ASAP1: variants seen among roughly 807,000 people sequenced by gnomAD.
ASAP1 encodes the protein arf-GAP with SH3 domain, ANK repeat and PH domain-containing protein 1.
Under a neutral mutation model 145.2 loss-of-function variants are expected in ASAP1, and 43 were observed. That is an observed-to-expected ratio of 0.30 (90% confidence interval 0.23 to 0.38). ASAP1 has a LOEUF of 0.38. Among genes scored for constraint, ASAP1 ranks in the 10% least tolerant of loss-of-function variants. ASAP1 has a pLI of 1.00. For synonymous variants in ASAP1, 546 were observed against 515.5 expected (o/e 1.06, Z -0.80); for missense variants, 1,018 against 1,355.3 (o/e 0.75, Z 3.91).
chr8:130,243,063 A>G (rs1013241098), intron 3 of ASAP1, among the ~76,000 whole-genome samples: 3 of 152,138 alleles, frequency 2.0e-5, no homozygotes, highest in African/African-American at 7.2e-5. Context: ...GCACCAGCCA[A>G]AGTGTGAAAA....
rs79162713 is a variant in ASAP1 at position 130,290,804 on chromosome 8, C to T, written c.187-53810G>A. Among the ~76,000 whole-genome samples the T allele has an allele frequency of 2.6e-3, 403 of 152,326 alleles. 2 individuals carry two copies. The highest frequency in any genetic ancestry group is 4.9e-3 in the Non-Finnish European group (331 of 68,026). ...CTCCTTCCTCTCCTCATGCCTGGTA[C>T]TACAGGATCAATTTTAGTACCGTAT... On this transcript the variant is annotated intron_variant, in intron 3 of 29. Transcript: ENST00000518721.
chr8:130,391,831 C>G (rs1828299919), intron 2 of ASAP1, among the ~76,000 whole-genome samples: 1 of 152,234 alleles, frequency 6.6e-6, no homozygotes, highest in East Asian at 1.9e-4. Flanking sequence ...AGAGGGACCC[C>G]CTCCTGGGTT....
chr8:130,112,414 T>G, intron 23 of ASAP1, 92 bp from the exon 24 acceptor site: 1 of 1,022,212 alleles, frequency 9.8e-7, no homozygotes, highest in Middle Eastern at 2.5e-4. Flanking sequence ...GGTGGGAATC[T>G]GGGTTCCTGT....
intron 25 of ASAP1, among the ~76,000 whole-genome samples, chr8:130,086,959 G>T (rs954813949): frequency 6.6e-6 from 1 of 152,140 alleles, no homozygotes; most frequent in African/African-American, 2.4e-5. Context: ...CTCAACATCA[G>T]CTGCCTTGCT....
At chr8:130,306,212 T>C (rs1419401097) in intron 3 of ASAP1, among the ~76,000 whole-genome samples, 1 of 152,214 alleles carries the variant, frequency 6.6e-6, no homozygotes, top group African/African-American at 2.4e-5. Flanking sequence ...AGAAACACCT[T>C]GATACTGCAG....
intron 3 of ASAP1, among the ~76,000 whole-genome samples, chr8:130,346,381 A>G (rs1481760266): frequency 6.6e-6 from 1 of 152,220 alleles, no homozygotes; most frequent in African/African-American, 2.4e-5. Flanking sequence ...TCTAACCTAC[A>G]TATCTCATGT....
Position 130,322,844 on chromosome 8 carries a change from G to A in ASAP1, c.186+35173C>T, listed in dbSNP as rs991607911. Among the ~76,000 whole-genome samples, 12 of 152,168 alleles carry A rather than the reference G, an allele frequency of 7.9e-5. No individual in the cohort carries two copies. The East Asian group carries it at 2.3e-3, about 29-fold the overall frequency. Reference sequence around the variant, plus strand: ...AGAGAGATATACAAAGACCTGCAATGGAGAGCAGTGGGAAAAGATCATTTC... The same window carrying A: ...AGAGAGATATACAAAGACCTGCAATAGAGAGCAGTGGGAAAAGATCATTTC... On this transcript the variant is annotated intron_variant, in intron 3 of 29. Transcript: ENST00000518721.
At chr8:130,131,643 A>AGCTGGGC (rs2097583294) in intron 15 of ASAP1, among the ~76,000 whole-genome samples, 1 of 148,192 alleles carries the variant, frequency 6.7e-6, no homozygotes, top group Non-Finnish European at 1.5e-5. Flanking sequence ...AATGAAAATT[A>AGCTGGGC]GCTGGGCGTG....
intron 1 of ASAP1, among the ~76,000 whole-genome samples, chr8:130,433,416 T>G (rs1830204972): frequency 6.6e-6 from 1 of 152,204 alleles, no homozygotes; most frequent in Non-Finnish European, 1.5e-5. Context: ...CAGACACCTC[T>G]TTCACAAAGC....
intron 3 of ASAP1, among the ~76,000 whole-genome samples, chr8:130,315,997 C>T (rs1823642703): frequency 6.6e-6 from 1 of 152,040 alleles, no homozygotes. Flanking sequence ...CCTTCGGGTC[C>T]CTTCTCTGCA....
At chr8:130,310,940 C>T (rs1368691716) in intron 3 of ASAP1, among the ~76,000 whole-genome samples, 2 of 152,200 alleles carry the variant, frequency 1.3e-5, no homozygotes, top group African/African-American at 4.8e-5. Context: ...TCAAGACCAA[C>T]CTGGGCCAGT....
At chr8:130,260,237 G>T (rs956124638) in intron 3 of ASAP1, among the ~76,000 whole-genome samples, 1 of 152,014 alleles carries the variant, frequency 6.6e-6, no homozygotes, top group Non-Finnish European at 1.5e-5. Context: ...TTCACAACAG[G>T]GGTGTATTCT....
chr8:130,381,608 G>A lies in ASAP1; in HGVS notation c.59+20277C>T, dbSNP rs765424315. Among the ~76,000 whole-genome samples the A allele has an allele frequency of 1.1e-3, 166 of 152,214 alleles. 5 individuals carry two copies. Among genetic ancestry groups the A allele is most frequent in the Non-Finnish European group, 1.1e-3 (74 of 68,012 alleles). ...GGATGACGCCTGGCTTGGAGAATGC[G>A]TCCTCCAAGCTAGAAAAGAATCACT... is the stretch of plus-strand genomic sequence containing the variant. On this transcript the variant is annotated intron_variant, in intron 2 of 29. Transcript: ENST00000518721.
At chr8:130,328,620 T>C (rs1824490423) in intron 3 of ASAP1, among the ~76,000 whole-genome samples, 1 of 151,454 alleles carries the variant, frequency 6.6e-6, no homozygotes, top group Admixed American at 6.6e-5. Flanking sequence ...TCTTTTTTTT[T>C]TTTTTTTAAG....
At chr8:130,055,858 C>T (rs745337200) in intron 29 of ASAP1, among the ~76,000 whole-genome samples, 2 of 152,216 alleles carry the variant, frequency 1.3e-5, no homozygotes, top group African/African-American at 2.4e-5. Flanking sequence ...CTCCTGAAGG[C>T]TTGCCCACCC....
intron 23 of ASAP1, 28 bp downstream of exon 23, chr8:130,115,600 A>C: frequency 2.6e-6 from 4 of 1,547,404 alleles, no homozygotes; most frequent in Non-Finnish European, 3.6e-6. Context: ...GTAGTTGTTG[A>C]GAATTCGAGG....
chr8:130,275,123 G>C (rs376798218), intron 3 of ASAP1, among the ~76,000 whole-genome samples: 1 of 152,194 alleles, frequency 6.6e-6, no homozygotes, highest in African/African-American at 2.4e-5. Flanking sequence ...TCTTAGACAA[G>C]AATGAAATGA....
intron 3 of ASAP1, among the ~76,000 whole-genome samples, chr8:130,283,738 T>C (rs1429325370): frequency 5.9e-5 from 9 of 152,000 alleles, no homozygotes; most frequent in Non-Finnish European, 1.5e-5. Flanking sequence ...ACTGGATACA[T>C]GAGGAAGGGT....
intron 24 of ASAP1, among the ~76,000 whole-genome samples, chr8:130,099,582 G>A (rs1256268557): frequency 6.6e-6 from 1 of 151,848 alleles, no homozygotes; most frequent in African/African-American, 2.4e-5. Context: ...CCACATGAGT[G>A]AGAACATGCA....
Sources: gnomAD v4.1 joint callset for allele counts (sites outside exome capture counted in the v4.1 genomes callset) on GRCh38, gnomAD v4.1.1 for gene constraint, MANE v1.5 for transcripts, NCBI Gene and HGNC (gene_info 2026-07-23, HGNC 2026-07-21) for gene names.